GRAMD4: variants seen among roughly 807,000 people sequenced by gnomAD.
The protein encoded by GRAMD4 is GRAM domain-containing protein 4.
In GRAMD4, 25 loss-of-function variants were observed where a neutral mutation model predicts 83.9. That is an observed-to-expected ratio of 0.30 (90% CI 0.22 to 0.42). The LOEUF is 0.42. Among genes scored for constraint, GRAMD4 ranks in the 10% least tolerant of loss-of-function variants. GRAMD4 has a pLI of 1.00. For missense variants in GRAMD4, 593 were observed against 788.7 expected (o/e 0.75, Z 2.97); for synonymous variants, 336 against 320.9 (o/e 1.05, Z -0.50).
intron 1 of GRAMD4, among the ~76,000 whole-genome samples, chr22:46,605,525 A>G (rs967420256): frequency 1.3e-5 from 2 of 152,276 alleles, no homozygotes; most frequent in African/African-American, 4.8e-5. Flanking sequence ...CGGAACCTCC[A>G]TACTGTGATT....
chr22:46,614,523 C>G (rs904332310), intron 1 of GRAMD4, among the ~76,000 whole-genome samples: 10 of 152,238 alleles, frequency 6.6e-5, no homozygotes, highest in African/African-American at 2.4e-5. Context: ...CTCCCTTCCA[C>G]CTTTGTTGTG....
chr22:46,614,965 G>A (rs2081459994), intron 1 of GRAMD4, among the ~76,000 whole-genome samples: 1 of 147,814 alleles, frequency 6.8e-6, no homozygotes, highest in Non-Finnish European at 1.5e-5. Context: ...GTTCCCCCGT[G>A]TGTAGGTTCC....
intron 1 of GRAMD4, among the ~76,000 whole-genome samples, chr22:46,578,990 T>C (rs1430329036): frequency 1.3e-5 from 2 of 152,250 alleles, no homozygotes; most frequent in Admixed American, 1.3e-4. Flanking sequence ...CCCTCTGCTC[T>C]GCTGCTCTTT....
At position 46,679,690 on chromosome 22, in the gene GRAMD4, T is replaced by G. The variant is rs2082648844; in HGVS notation, c.*2439T>G. 1.0e-6 allele frequency: 1 copy of G among 977,918 alleles called. No individual in the cohort carries two copies. Among genetic ancestry groups the G allele is most frequent in the Admixed American group, 6.1e-5 (1 of 16,264 alleles). The allele number at this position is 977,918 out of a possible 1,614,324, so 60.6% of individuals were successfully genotyped here. ...TAAGAACCGATGAAAAAAATTCTCC[T>G]GTAACATTTTTTTAAGAAAACTTTG... On this transcript the variant is annotated 3_prime_UTR_variant, in exon 19 of 19. Coordinates refer to ENST00000406902, the MANE Select transcript of GRAMD4 (RefSeq NM_015124.5).
chr22:46,643,193 A>C (rs199928672), intron 3 of GRAMD4, among the ~76,000 whole-genome samples: 4 of 114,078 alleles, frequency 3.5e-5, no homozygotes, highest in African/African-American at 6.4e-5. Context: ...CCATCCATCC[A>C]TCCATCCATC....
chr22:46,613,290 T>G (rs1238814259), intron 1 of GRAMD4, among the ~76,000 whole-genome samples: 4 of 152,174 alleles, frequency 2.6e-5, no homozygotes, highest in Non-Finnish European at 5.9e-5. Context: ...GGGCCTGGCT[T>G]CCGGCTGCCG....
At chr22:46,637,203 G>A (rs1186934073) in intron 2 of GRAMD4, among the ~76,000 whole-genome samples, 1 of 152,032 alleles carries the variant, frequency 6.6e-6, no homozygotes, top group Non-Finnish European at 1.5e-5. Flanking sequence ...TCTGCAGCCT[G>A]AGGAGATCAG....
chr22:46,617,455 G>T (rs564322021), upstream of GRAMD4, among the ~76,000 whole-genome samples: 1 of 150,734 alleles, frequency 6.6e-6, no homozygotes, highest in South Asian at 2.1e-4. Flanking sequence ...CCCCATACGT[G>T]TAGGTTCCCC....
intron 3 of GRAMD4, among the ~76,000 whole-genome samples, chr22:46,653,787 T>C (rs2082201571): frequency 6.6e-6 from 1 of 152,146 alleles, no homozygotes; most frequent in Non-Finnish European, 1.5e-5. Context: ...AGGTGATGTG[T>C]GGGTACTAGG....
intron 1 of GRAMD4, among the ~76,000 whole-genome samples, chr22:46,592,672 C>T (rs577503108): frequency 2.0e-4 from 30 of 152,272 alleles, no homozygotes; most frequent in Non-Finnish European, 4.0e-4. Context: ...TGGAATTCTG[C>T]GGCCCACATG....
At chr22:46,635,545 A>T (rs71311625) in intron 2 of GRAMD4, among the ~76,000 whole-genome samples, 1 of 4,950 alleles carries the variant, frequency 2.0e-4, no homozygotes, top group Non-Finnish European at 4.0e-4. Context: ...CTGTCCTGGG[A>T]GGCCGTGTCC....
intron 18 of GRAMD4, 119 bp from the exon 19 acceptor site, chr22:46,677,028 C>A: frequency 8.4e-7 from 1 of 1,192,884 alleles, no homozygotes; most frequent in Non-Finnish European, 1.2e-6. Context: ...CTGTCTTTTG[C>A]ACCCAGACCC....
At position 46,678,362 on chromosome 22, in the gene GRAMD4, C is replaced by A; in HGVS notation, c.*1111C>A. 1 of 985,178 alleles carries A rather than the reference C, an allele frequency of 1.0e-6. No homozygotes were observed. The highest frequency in any genetic ancestry group is 1.2e-6 in the Non-Finnish European group (1 of 829,714). The allele number at this position is 985,178 out of a possible 1,614,324, so 61.0% of individuals were successfully genotyped here. A position where few individuals can be genotyped will look rare whatever the true frequency, so the allele number is the denominator to read the frequency against. On this transcript the variant is annotated 3_prime_UTR_variant, in exon 19 of 19. Transcript: ENST00000406902. ...ACATGCGACAGCGTTCCCTCCCCCGCGTGCCTAGCCGGTGCCGGTCCGGGC... is the reference window on the plus strand; with the variant it reads ...ACATGCGACAGCGTTCCCTCCCCCGAGTGCCTAGCCGGTGCCGGTCCGGGC...
At position 46,639,079 on chromosome 22, in the gene GRAMD4, G is replaced by C. The variant is rs536762948; in HGVS notation, c.283+1119G>C. ...GCCTGTGTATGTACAGCACTGGACT[G>C]TGTGTGTGCTTAGATGGCGTAATGA... On this transcript the variant is annotated intron_variant, in intron 3 of 18. Coordinates refer to ENST00000406902, the MANE Select transcript of GRAMD4 (RefSeq NM_015124.5). Among the ~76,000 whole-genome samples the C allele has an allele frequency of 9.8e-5, 15 of 152,350 alleles. No homozygotes were observed. In the South Asian group the frequency reaches 2.3e-3, roughly 23 times the overall value.
At chr22:46,665,174 C>A (rs1451289766) in intron 8 of GRAMD4, among the ~76,000 whole-genome samples, 1 of 152,250 alleles carries the variant, frequency 6.6e-6, no homozygotes, top group Non-Finnish European at 1.5e-5. Flanking sequence ...GCCCTGTGCA[C>A]ATCTGCTCTG....
chr22:46,641,295 A>G (rs2081972137), intron 3 of GRAMD4, among the ~76,000 whole-genome samples: 1 of 152,146 alleles, frequency 6.6e-6, no homozygotes, highest in African/African-American at 2.4e-5. Context: ...CTGGTCTCGA[A>G]CTGTTGACCT....
upstream of GRAMD4, among the ~76,000 whole-genome samples, chr22:46,619,399 C>T (rs530886904): frequency 6.6e-6 from 1 of 152,250 alleles, no homozygotes; most frequent in East Asian, 1.9e-4. Flanking sequence ...TGCAGTGGTA[C>T]GATCGTGGTT....
intron 1 of GRAMD4, among the ~76,000 whole-genome samples, chr22:46,596,275 A>C (rs912756405): frequency 5.3e-5 from 8 of 152,186 alleles, no homozygotes; most frequent in African/African-American, 1.4e-4. Context: ...GTGAAATCAC[A>C]TTTATGAGGC....
chr22:46,577,306 G>A lies in GRAMD4; in HGVS notation c.-50+16G>A, dbSNP rs965359697. 6 of 979,864 alleles carry A rather than the reference G, an allele frequency of 6.1e-6. No individual in the cohort carries two copies. In the African/African-American group the frequency reaches 7.1e-5, roughly 12 times the overall value. 60.7% of individuals were successfully genotyped at this position (979,864 alleles called of 1,614,324 possible). ...TCCGCTCAGGGTAAGCGGCGCGCGC[G>A]GACACCCACCTACCCCGACCTGGTT... On this transcript the variant is annotated intron_variant, in intron 1 of 1. Transcript: ENST00000431155.
Sources: gnomAD v4.1 joint callset for allele counts (sites outside exome capture counted in the v4.1 genomes callset) on GRCh38, gnomAD v4.1.1 for gene constraint, MANE v1.5 for transcripts, NCBI Gene and HGNC (gene_info 2026-07-23, HGNC 2026-07-21) for gene names.